The following ANKRD35 variants were observed in gnomAD, a reference collection of about 807,000 sequenced individuals.
The protein encoded by ANKRD35 is ankyrin repeat domain-containing protein 35.
In ANKRD35, 102 loss-of-function variants were observed where a neutral mutation model predicts 109.9. That is an observed-to-expected ratio of 0.93 (90% confidence interval 0.79 to 1.09). ANKRD35 has a LOEUF of 1.09. Among genes scored for constraint, ANKRD35 ranks in the 50% least tolerant of loss-of-function variants. The pLI is 0.00. For synonymous variants in ANKRD35, 515 were observed against 512.4 expected, an observed-to-expected ratio of 1.01 and a Z score of -0.07; for missense variants, 1,240 against 1,230.1, an observed-to-expected ratio of 1.01 and a Z score of -0.12.
intron 1 of ANKRD35, 148 bp from the exon 2 acceptor site, chr1:145,879,536 TC>T: frequency 1.0e-6 from 1 of 959,122 alleles, no homozygotes; most frequent in Non-Finnish European, 1.4e-6. Flanking sequence ...ATTTAGTCCT[TC>T]TTAGGTGGGC....
In ANKRD35 at chr1:145,876,140, T is replaced by A. The variant is rs746015854; in HGVS notation, c.560A>T (p.Lys187Ile). ...ARVNVTDKND[K>I]SALILACEKG... ...GGGTGCATAGACGAGGGGGGCTCACTTGTCATTCTTGTCTGTAACATTAAC... is the reference window on the plus strand; with the variant it reads ...GGGTGCATAGACGAGGGGGGCTCACATGTCATTCTTGTCTGTAACATTAAC... Residue 187 changes from lysine (K) to isoleucine (I), a missense_variant and splice_region_variant, in exon 7 of 14, where the codon AAA becomes ATA. Transcript: ENST00000355594. 57 of 1,613,572 alleles carry A rather than the reference T, an allele frequency of 3.5e-5. No individual in the cohort carries two copies. Among genetic ancestry groups the A allele is most frequent in the Non-Finnish European group, 4.7e-5 (56 of 1,179,856 alleles).
intron 10 of ANKRD35, among the ~76,000 whole-genome samples, chr1:145,869,910 A>G (rs1259748434): frequency 1.3e-5 from 2 of 152,210 alleles, no homozygotes; most frequent in Admixed American, 1.3e-4. Context: ...TTAACTTGGT[A>G]TCAGATCCTA....
Position 145,876,215 on chromosome 1 carries a change from A to G in ANKRD35, c.485T>C (p.Leu162Pro). ...DGRTPLMIAS[L>P]GGHAAICSQL... ...TGAGCAGATAGCTGCGTGCCCACCCAGCGATGCGATCATCAGGGGTGTACG... is the reference window on the plus strand; with the variant it reads ...TGAGCAGATAGCTGCGTGCCCACCCGGCGATGCGATCATCAGGGGTGTACG... The change falls in exon 7 of 14, where the codon CTG becomes CCG. Residue 162 changes from leucine (L) to proline (P), a missense_variant. By Grantham distance (98) the Leu-to-Pro change is moderately conservative. Transcript: ENST00000355594. 1 of 1,613,952 alleles carries G rather than the reference A, an allele frequency of 6.2e-7. No individual in the cohort carries two copies. Among genetic ancestry groups the G allele is most frequent in the Non-Finnish European group, 8.5e-7 (1 of 1,179,938 alleles).
rs377359716 is a variant in ANKRD35, at chr1:145,876,596, G to T, written c.426C>A (p.His142Gln). ...TATCCAACACGTCCAGGAAGGCTTC[G>T]TGGTCACACAGCAGGAGCACACTTG... is the stretch of plus-strand genomic sequence containing the variant. The part of the protein sequence containing the change: ...CASSVLLLCD[H>Q]EAFLDVLDND... The change falls in exon 6 of 14, where the codon CAC becomes CAA. Residue 142 changes from histidine (H) to glutamine (Q), a missense_variant. Coordinates refer to ENST00000355594, the MANE Select transcript of ANKRD35 (RefSeq NM_144698.5). The T allele has an allele frequency of 2.5e-6, 4 of 1,614,062 alleles. No individual in the cohort carries two copies. Among genetic ancestry groups the T allele is most frequent in the East Asian group, 2.2e-5 (1 of 44,894 alleles).
intron 2 of ANKRD35, among the ~76,000 whole-genome samples, chr1:145,879,020 C>A (rs1289893485): frequency 6.6e-6 from 1 of 152,180 alleles, no homozygotes; most frequent in Non-Finnish European, 1.5e-5. Context: ...GCTTTATGTA[C>A]TTTACAAGTC....
intron 10 of ANKRD35, among the ~76,000 whole-genome samples, chr1:145,871,711 C>A (rs1230004817): frequency 1.3e-5 from 2 of 152,126 alleles, no homozygotes; most frequent in African/African-American, 4.8e-5. Context: ...CTGGTGGCAG[C>A]CCTGAGCACA....
At chr1:145,870,211 C>T (rs2101701758) in intron 10 of ANKRD35, among the ~76,000 whole-genome samples, 1 of 151,936 alleles carries the variant, frequency 6.6e-6, no homozygotes, top group African/African-American at 2.4e-5. Flanking sequence ...CTGCCTCAGC[C>T]TCTCCGAGTA....
Position 145,873,105 on chromosome 1 carries a change from A to G in ANKRD35, c.1664T>C (p.Leu555Pro), listed in dbSNP as rs782307599. 1.2e-6 allele frequency: 2 copies of G among 1,613,778 alleles called. No homozygotes were observed. Among genetic ancestry groups the G allele is most frequent in the Admixed American group, 3.3e-5 (2 of 59,980 alleles). ...LARLEWAKAG[L>P]QVKPEVPSQE... ...GGAAGGAACCTCAGGTTTCACCTGTAGTCCTGCCTTTGCCCATTCCAGCCT... is the reference window on the plus strand; with the variant it reads ...GGAAGGAACCTCAGGTTTCACCTGTGGTCCTGCCTTTGCCCATTCCAGCCT... Residue 555 changes from leucine (L) to proline (P), a missense_variant, in exon 10 of 14, where the codon CTA becomes CCA. By Grantham distance (98) the Leu-to-Pro change is moderately conservative. Transcript: ENST00000355594.
chr1:145,874,294 T>C, intron 8 of ANKRD35, 102 bp from the exon 9 acceptor site: 1 of 1,255,476 alleles, frequency 8.0e-7, no homozygotes, highest in South Asian at 1.2e-5. Flanking sequence ...GTGGCCTCTC[T>C]GTGATCAATC....
At chr1:145,881,019 T>C (rs1463649467) in intron 1 of ANKRD35, among the ~76,000 whole-genome samples, 1 of 152,072 alleles carries the variant, frequency 6.6e-6, no homozygotes, top group East Asian at 1.9e-4. Flanking sequence ...GGTGCGGTGG[T>C]TCACGCCTGC....
intron 4 of ANKRD35, 86 bp from the exon 5 acceptor site, chr1:145,876,959 G>T: frequency 7.1e-7 from 1 of 1,417,624 alleles, no homozygotes; most frequent in Non-Finnish European, 9.9e-7. Context: ...AATTTCCATG[G>T]TAATATGAGG....
chr1:145,883,077 T>C (rs1004549671), intron 1 of ANKRD35, among the ~76,000 whole-genome samples: 2 of 14,498 alleles, frequency 1.4e-4, no homozygotes, highest in African/African-American at 3.8e-4. Context: ...ACAGTACCAA[T>C]TTTTTTTTTT....
rs143388227 is a variant in ANKRD35, at chr1:145,876,581, G to A, written c.441C>T (p.Asp147=). 20 of 1,614,040 alleles carry A rather than the reference G, an allele frequency of 1.2e-5. No individual in the cohort carries two copies. The highest frequency in any genetic ancestry group is 4.5e-5 in the East Asian group (2 of 44,892). The change falls in exon 6 of 14, where the codon GAC becomes GAT. Residue 147 remains aspartate (D), a synonymous_variant. Coordinates refer to ENST00000355594, the MANE Select transcript of ANKRD35 (RefSeq NM_144698.5). ...ATCTGACACTCACATTATCCAACAC[G>A]TCCAGGAAGGCTTCGTGGTCACACA... ...LLLCDHEAFL[D]VLDNDGRTPL...
chr1:145,878,950 C>T (rs1654188955), intron 2 of ANKRD35, among the ~76,000 whole-genome samples: 1 of 152,172 alleles, frequency 6.6e-6, no homozygotes, highest in Admixed American at 6.5e-5. Flanking sequence ...CACCCTCCTA[C>T]TTGTGCAATG....
chr1:145,878,943 C>T (rs1654188881), intron 2 of ANKRD35, among the ~76,000 whole-genome samples: 1 of 152,114 alleles, frequency 6.6e-6, no homozygotes, highest in Non-Finnish European at 1.5e-5. Context: ...GCATACACAC[C>T]CTCCTACTTG....
intron 4 of ANKRD35, 33 bp downstream of exon 4, chr1:145,877,935 T>C (rs1654142689): frequency 4.4e-6 from 7 of 1,603,024 alleles, no homozygotes; most frequent in Non-Finnish European, 6.0e-6. Flanking sequence ...ACTTCTTCCC[T>C]TCATAAGAGT....
Position 145,873,725 on chromosome 1 carries a change from T to G in ANKRD35, c.1044A>C (p.Leu348=), listed in dbSNP as rs782766829. 8 of 1,613,776 alleles carry G rather than the reference T, an allele frequency of 5.0e-6. No individual in the cohort carries two copies. The Admixed American group carries it at 1.2e-4, about 24-fold the overall frequency. The part of the protein sequence containing the change: ...REQAQELGVL[L]SWEPRASGKQ... ...TTCCTGAAGCTCTGGGCTCCCAGGA[T>G]AGGAGGACCCCTAGCTCCTGCGCCT... The change falls in exon 10 of 14, where the codon CTA becomes CTC. Residue 348 remains leucine, a synonymous_variant. Coordinates refer to ENST00000355594, the MANE Select transcript of ANKRD35 (RefSeq NM_144698.5).
rs182587192 is a variant in ANKRD35 at position 145,873,473 on chromosome 1, C to T, written c.1296G>A (p.Ala432=). Residue 432 remains alanine (A), a synonymous_variant, in exon 10 of 14, where the codon GCG becomes GCA. Coordinates refer to ENST00000355594, the MANE Select transcript of ANKRD35 (RefSeq NM_144698.5). ...CTGTGGCTTTCCTGATGGTCTCAGA[C>T]GCTGGGCTCTGGGGTGGCCCCTGTT... is the stretch of plus-strand genomic sequence containing the variant. ...PEEQGPPQSP[A]SETIRKATGQ... 5.6e-5 allele frequency: 91 copies of T among 1,613,986 alleles called. No homozygotes were observed. Among genetic ancestry groups the T allele is most frequent in the African/African-American group, 4.4e-4 (33 of 75,022 alleles).
intron 1 of ANKRD35, among the ~76,000 whole-genome samples, chr1:145,880,134 A>G (rs7513084): frequency 0.013 from 1,975 of 152,270 alleles, 41 homozygotes; most frequent in African/African-American, 0.045. Flanking sequence ...GGCAGGGAGC[A>G]GCTGTCTAGA....
Sources: allele counts gnomAD v4.1 joint callset (sites outside exome capture counted in the v4.1 genomes callset), GRCh38; gene constraint gnomAD v4.1.1; transcripts MANE v1.5; gene names NCBI Gene and HGNC (gene_info 2026-07-23, HGNC 2026-07-21).